The following BMAL2 variants were observed in gnomAD, a reference collection of about 807,000 sequenced individuals.
The protein encoded by BMAL2 is basic helix-loop-helix ARNT like 2, also known as basic helix-loop-helix ARNT-like protein 2.
chr12:27,353,281 C>T, the BMAL2 span, among the ~76,000 whole-genome samples: 4 of 152,170 alleles, frequency 2.6e-5, no homozygotes, highest in Admixed American at 6.5e-5. Flanking sequence ...TGTACACCTA[C>T]AACCATCTGA....
chr12:27,385,960 C>T, the BMAL2 span, among the ~76,000 whole-genome samples: 1 of 152,090 alleles, frequency 6.6e-6, no homozygotes, highest in Non-Finnish European at 1.5e-5. Context: ...TTGACATTTC[C>T]GTCCTCATCA....
chr12:27,380,955 CA>C, the BMAL2 span, among the ~76,000 whole-genome samples: 4 of 150,422 alleles, frequency 2.7e-5, no homozygotes, highest in Non-Finnish European at 5.9e-5. Flanking sequence ...CACTGCACTC[CA>C]GCCTGGGTGA....
chr12:27,367,095 A>G, the BMAL2 span, among the ~76,000 whole-genome samples: 2 of 152,232 alleles, frequency 1.3e-5, no homozygotes, highest in African/African-American at 4.8e-5. Flanking sequence ...GAGATTAACT[A>G]CAATAATTAA....
chr12:27,402,400 G>A, the BMAL2 span, among the ~76,000 whole-genome samples: 1 of 151,958 alleles, frequency 6.6e-6, no homozygotes, highest in Non-Finnish European at 1.5e-5. Flanking sequence ...GTTTGTTATT[G>A]TGAGAACACA....
chr12:27,404,367 C>T, the BMAL2 span, among the ~76,000 whole-genome samples: 1 of 151,782 alleles, frequency 6.6e-6, no homozygotes, highest in Non-Finnish European at 1.5e-5. Context: ...GTGCAACCCA[C>T]AAATAGATCA....
chr12:27,401,171 A>T, the BMAL2 span: 1 of 1,069,174 alleles, frequency 9.4e-7, no homozygotes, highest in Non-Finnish European at 1.4e-6. Flanking sequence ...GCACTTCTTT[A>T]CGATCCTGAC....
the BMAL2 span, among the ~76,000 whole-genome samples, chr12:27,349,622 A>G: frequency 6.6e-6 from 1 of 152,148 alleles, no homozygotes; most frequent in East Asian, 1.9e-4. Flanking sequence ...TTTGGATCTT[A>G]TGCCTGGCCA....
chr12:27,357,880 TAAATC>T, the BMAL2 span, among the ~76,000 whole-genome samples: 1 of 152,084 alleles, frequency 6.6e-6, no homozygotes, highest in Admixed American at 6.6e-5. Context: ...ATCAAGGACT[TAAATC>T]TAAGACCTAA....
chr12:27,355,642 A>C, the BMAL2 span, among the ~76,000 whole-genome samples: 2 of 152,146 alleles, frequency 1.3e-5, no homozygotes, highest in Admixed American at 6.6e-5. Context: ...GCAACCCAAA[A>C]CATCTATTTT....
chr12:27,338,743 A>C, the BMAL2 span, among the ~76,000 whole-genome samples: 55 of 152,334 alleles, frequency 3.6e-4, no homozygotes, highest in Middle Eastern at 3.4e-3. Flanking sequence ...AGATACATGC[A>C]TCTTCTTTTT....
the BMAL2 span, chr12:27,380,130 T>G: frequency 3.1e-6 from 3 of 979,250 alleles, no homozygotes; most frequent in Non-Finnish European, 4.5e-6. Flanking sequence ...AGGGCCCAAG[T>G]GGGGAGGAAG....
At chr12:27,365,589 T>A in the BMAL2 span, among the ~76,000 whole-genome samples, 1 of 151,970 alleles carries the variant, frequency 6.6e-6, no homozygotes, top group Non-Finnish European at 1.5e-5. Flanking sequence ...TATTTATTTT[T>A]GTTTCAATTT....
chr12:27,370,764 C>T, the BMAL2 span, among the ~76,000 whole-genome samples: 1 of 152,142 alleles, frequency 6.6e-6, no homozygotes, highest in Non-Finnish European at 1.5e-5. Flanking sequence ...CGCCGACACA[C>T]CCGGCTAATT....
the BMAL2 span, among the ~76,000 whole-genome samples, chr12:27,405,463 C>T: frequency 6.6e-6 from 1 of 152,216 alleles, no homozygotes; most frequent in Non-Finnish European, 1.5e-5. Flanking sequence ...TCTGCAGCCT[C>T]CGCTGCTGAT....
chr12:27,402,408 A>G, the BMAL2 span, among the ~76,000 whole-genome samples: 1 of 152,204 alleles, frequency 6.6e-6, no homozygotes, highest in African/African-American at 2.4e-5. Flanking sequence ...TTGTGAGAAC[A>G]CATACTTTAT....
chr12:27,399,467 A>G, the BMAL2 span, among the ~76,000 whole-genome samples: 3 of 152,190 alleles, frequency 2.0e-5, no homozygotes, highest in African/African-American at 4.8e-5. Flanking sequence ...TCAGTTTCCT[A>G]GGACAATGGA....
At chr12:27,417,691 C>G in the BMAL2 span, among the ~76,000 whole-genome samples, 2 of 152,110 alleles carry the variant, frequency 1.3e-5, no homozygotes, top group Non-Finnish European at 2.9e-5. Flanking sequence ...TGTCTGATAA[C>G]TGCTAAAAAG....
chr12:27,360,072 A>G, the BMAL2 span, among the ~76,000 whole-genome samples: 1 of 150,784 alleles, frequency 6.6e-6, no homozygotes, highest in Non-Finnish European at 1.5e-5. Flanking sequence ...AAAAAAAAAA[A>G]GTACTAGCAG....
chr12:27,341,792 G>C, the BMAL2 span, among the ~76,000 whole-genome samples: 1 of 152,098 alleles, frequency 6.6e-6, no homozygotes, highest in African/African-American at 2.4e-5. Context: ...CTTGACTTCC[G>C]ATACAAACAC....
Sources: allele counts gnomAD v4.1 joint callset (sites outside exome capture counted in the v4.1 genomes callset), GRCh38; gene constraint gnomAD v4.1.1; transcripts MANE v1.5; gene names NCBI Gene and HGNC (gene_info 2026-07-23, HGNC 2026-07-21).